Variants in GRIP1 observed in about 807,000 individuals in gnomAD.
GRIP1 encodes the protein glutamate receptor-interacting protein 1.
Under a neutral mutation model 129.9 loss-of-function variants are expected in GRIP1, and 45 were observed. The ratio of observed to expected loss-of-function variants is 0.35; its 90% CI spans 0.27 to 0.44. The LOEUF is 0.44. Ranked by LOEUF, GRIP1 falls within the 20% of genes least tolerant of loss-of-function variation. The probability of loss-of-function intolerance (pLI) is 1.00; values close to 1 mark genes in which losing one functional copy is unlikely to be tolerated. For missense variants in GRIP1, 1,196 were observed against 1,396.8 expected (o/e 0.86, Z 2.29); for synonymous variants, 530 against 520.8 (o/e 1.02, Z -0.24).
intron 1 of GRIP1, among the ~76,000 whole-genome samples, chr12:66,925,510 C>T (rs2041281499): frequency 6.6e-6 from 1 of 152,170 alleles, no homozygotes; most frequent in Non-Finnish European, 1.5e-5. Flanking sequence ...GAATTTCTTA[C>T]CATATCTTGT....
chr12:66,365,099 A>G (rs550570231), intron 23 of GRIP1, among the ~76,000 whole-genome samples: 19 of 152,350 alleles, frequency 1.2e-4, no homozygotes, highest in African/African-American at 4.6e-4. Flanking sequence ...ATAGATGTAT[A>G]TAATTATTAT....
rs1004825521 is a variant in GRIP1, at chr12:66,457,256, A to C, written c.1043-914T>G. Among the ~76,000 whole-genome samples the C allele has an allele frequency of 2.6e-5, 4 of 152,236 alleles. No individual in the cohort carries two copies. In the East Asian group the frequency reaches 5.8e-4, roughly 22 times the overall value. On this transcript the variant is annotated intron_variant, in intron 9 of 24. Transcript: ENST00000359742. ...CATTTAATAATCTTAAAGAACTCAAAATAACATATGAACTTATTTTATTTT... is the reference window on the plus strand; with the variant it reads ...CATTTAATAATCTTAAAGAACTCAACATAACATATGAACTTATTTTATTTT...
intron 1 of GRIP1, among the ~76,000 whole-genome samples, chr12:66,917,947 AACAC>A (rs58387290): frequency 1.6e-4 from 24 of 147,514 alleles, no homozygotes; most frequent in Admixed American, 2.7e-4. Context: ...GAGATGTATA[AACAC>A]ACACACACAC....
chr12:66,372,532 A>T (rs1052516000), intron 22 of GRIP1, among the ~76,000 whole-genome samples: 4 of 152,214 alleles, frequency 2.6e-5, no homozygotes, highest in Non-Finnish European at 4.4e-5. Flanking sequence ...TTTGATACAG[A>T]TTAAGTGTTT....
chr12:66,397,945 A>C (rs2056855171), intron 16 of GRIP1, among the ~76,000 whole-genome samples: 1 of 152,268 alleles, frequency 6.6e-6, no homozygotes, highest in African/African-American at 2.4e-5. Flanking sequence ...TTGTGTAAAC[A>C]GATATTTAAT....
At chr12:66,638,213 A>G (rs901347965) in intron 1 of GRIP1, among the ~76,000 whole-genome samples, 7 of 152,202 alleles carry the variant, frequency 4.6e-5, no homozygotes, top group African/African-American at 1.7e-4. Flanking sequence ...AAGGTTATGA[A>G]TATTGAAACC....
intron 1 of GRIP1, among the ~76,000 whole-genome samples, chr12:67,012,341 A>T (rs981015148): frequency 1.3e-5 from 2 of 152,188 alleles, no homozygotes; most frequent in Non-Finnish European, 2.9e-5. Flanking sequence ...CTGACCAAAA[A>T]TATGCACAGA....
intron 23 of GRIP1, among the ~76,000 whole-genome samples, chr12:66,356,025 G>C (rs545642112): frequency 6.6e-6 from 1 of 152,320 alleles, no homozygotes; most frequent in Non-Finnish European, 1.5e-5. Flanking sequence ...GGCCAGGCAA[G>C]ACAAAGCTCC....
chr12:66,705,164 GGACTTTTCTATTAA>G (rs1434905125), intron 1 of GRIP1, among the ~76,000 whole-genome samples: 4 of 151,960 alleles, frequency 2.6e-5, no homozygotes, highest in Non-Finnish European at 4.4e-5. Flanking sequence ...CAATTTTATG[GGACTTTTCTATTAA>G]GAATAACAGC....
intron 1 of GRIP1, among the ~76,000 whole-genome samples, chr12:66,766,635 G>A (rs1356618753): frequency 6.6e-6 from 1 of 152,202 alleles, no homozygotes; most frequent in Admixed American, 6.5e-5. Context: ...GAAGAGCGCT[G>A]CATGGGTGGC....
intron 1 of GRIP1, among the ~76,000 whole-genome samples, chr12:66,940,443 C>T (rs552618855): frequency 6.6e-6 from 1 of 152,266 alleles, no homozygotes; most frequent in Non-Finnish European, 1.5e-5. Context: ...CGGCCACCTA[C>T]ACCCAAAAGA....
intron 1 of GRIP1, among the ~76,000 whole-genome samples, chr12:66,983,462 T>C (rs71452332): frequency 0.24 from 36,797 of 152,040 alleles, 4,924 homozygotes; most frequent in East Asian, 0.41. Context: ...TGAATGGACA[T>C]GTTTAAGTAA....
At chr12:66,866,780 T>A (rs1025779309) in intron 1 of GRIP1, among the ~76,000 whole-genome samples, 1 of 152,122 alleles carries the variant, frequency 6.6e-6, no homozygotes, top group African/African-American at 2.4e-5. Flanking sequence ...ATATATATAC[T>A]GTACTCTTGA....
intron 1 of GRIP1, among the ~76,000 whole-genome samples, chr12:66,775,647 C>A (rs909668419): frequency 5.3e-5 from 8 of 151,816 alleles, no homozygotes; most frequent in Admixed American, 5.2e-4. Flanking sequence ...TGGACAGAGA[C>A]CTTTCATTTG....
chr12:66,445,299 T>C (rs1299126147), intron 12 of GRIP1, 23 bp downstream of exon 12: 7 of 1,598,652 alleles, frequency 4.4e-6, no homozygotes, highest in Non-Finnish European at 6.0e-6. Context: ...CAGAAAATGA[T>C]GCTGTGAAAG....
intron 1 of GRIP1, among the ~76,000 whole-genome samples, chr12:66,771,411 A>T (rs1003067047): frequency 1.3e-5 from 2 of 152,226 alleles, no homozygotes; most frequent in African/African-American, 2.4e-5. Flanking sequence ...CACAACACAC[A>T]CATAGATACA....
chr12:66,524,852 C>T (rs2061164433), intron 5 of GRIP1, among the ~76,000 whole-genome samples: 2 of 152,130 alleles, frequency 1.3e-5, no homozygotes, highest in South Asian at 2.1e-4. Context: ...GGGGATATCA[C>T]CACTGATCCC....
intron 1 of GRIP1, among the ~76,000 whole-genome samples, chr12:66,996,651 C>T (rs1403478779): frequency 6.6e-6 from 1 of 152,174 alleles, no homozygotes; most frequent in Non-Finnish European, 1.5e-5. Flanking sequence ...GAAAATGGAG[C>T]AACTGGTGCC....
chr12:66,750,613 T>C (rs1364724864), intron 1 of GRIP1, among the ~76,000 whole-genome samples: 2 of 152,158 alleles, frequency 1.3e-5, no homozygotes, highest in African/African-American at 4.8e-5. Context: ...GTTCCACTGG[T>C]TTAATCCCAG....
Sources: allele counts gnomAD v4.1 joint callset (sites outside exome capture counted in the v4.1 genomes callset), GRCh38; gene constraint gnomAD v4.1.1; transcripts MANE v1.5; gene names NCBI Gene and HGNC (gene_info 2026-07-23, HGNC 2026-07-21).